Variants in OSBP2 observed in about 807,000 individuals in gnomAD.
OSBP2 encodes the protein oxysterol binding protein 2, also known as oxysterol-binding protein 2.
OSBP2 carries 66 observed loss-of-function variants against 96.0 expected under a neutral mutation model. The ratio of observed to expected loss-of-function variants is 0.69; its 90% confidence interval spans 0.56 to 0.84. OSBP2 has a LOEUF of 0.84. Ranked by LOEUF, OSBP2 falls within the 40% of genes least tolerant of loss-of-function variation. The pLI, the probability that OSBP2 is intolerant of heterozygous loss-of-function variation, is 0.00. For missense variants in OSBP2, 1,038 were observed against 1,222.7 expected, an observed-to-expected ratio of 0.85 and a Z score of 2.25; for synonymous variants, 525 against 520.9, an observed-to-expected ratio of 1.01 and a Z score of -0.11.
At chr22:30,732,878 T>A (rs1459825904) in intron 1 of OSBP2, among the ~76,000 whole-genome samples, 1 of 152,164 alleles carries the variant, frequency 6.6e-6, no homozygotes, top group Non-Finnish European at 1.5e-5. Context: ...TTCCTGTGAT[T>A]CCAGTGAATT....
In OSBP2 at chr22:30,881,235, C is replaced by G. The variant is rs963036929; in HGVS notation, c.1108-6191C>G. ...TGGGGGTAGGCAGAAGGGGCAGGGC[C>G]AGGACACTGGAACTCTGTCCCCACG... On this transcript the variant is annotated intron_variant, in intron 3 of 13. Coordinates refer to ENST00000332585, the MANE Select transcript of OSBP2 (RefSeq NM_030758.4). The surrounding 1 kb of genome is among the most constrained non-coding windows in gnomAD (Gnocchi z 4.5). Among the ~76,000 whole-genome samples, 6 of 152,164 alleles carry G rather than the reference C, an allele frequency of 3.9e-5. No individual in the cohort carries two copies. Among genetic ancestry groups the G allele is most frequent in the Non-Finnish European group, 7.4e-5 (5 of 68,020 alleles).
intron 2 of OSBP2, among the ~76,000 whole-genome samples, chr22:30,781,044 C>T (rs1005868875): frequency 1.3e-5 from 2 of 151,450 alleles, no homozygotes; most frequent in Admixed American, 6.6e-5. Flanking sequence ...GGCGTGATCT[C>T]GGCTCACTGC....
At chr22:30,764,307 G>A in intron 2 of OSBP2, 1 of 985,186 alleles carries the variant, frequency 1.0e-6, no homozygotes, top group Non-Finnish European at 1.2e-6. Context: ...GAGGGGGTTG[G>A]GTGGCTGGTG....
intron 2 of OSBP2, among the ~76,000 whole-genome samples, chr22:30,863,211 G>C (rs376790066): frequency 6.6e-6 from 1 of 152,120 alleles, no homozygotes; most frequent in Admixed American, 6.5e-5. Flanking sequence ...CTTTCTCTCT[G>C]TTATCAGCAT....
chr22:30,783,669 A>G (rs1461360049), intron 2 of OSBP2, among the ~76,000 whole-genome samples: 1 of 152,110 alleles, frequency 6.6e-6, no homozygotes, highest in East Asian at 1.9e-4. Context: ...CAATACCGAT[A>G]ATACTATTGC....
chr22:30,756,422 C>T (rs143985193), intron 2 of OSBP2, among the ~76,000 whole-genome samples: 345 of 152,296 alleles, frequency 2.3e-3, no homozygotes, highest in Admixed American at 8.4e-3. Flanking sequence ...GGCATGGTGT[C>T]TCACGCCTGT....
intron 8 of OSBP2, among the ~76,000 whole-genome samples, chr22:30,891,493 G>T (rs2039946839): frequency 6.6e-6 from 1 of 152,220 alleles, no homozygotes; most frequent in South Asian, 2.1e-4. Context: ...TGGAAACGAG[G>T]TGATTCTGTT....
chr22:30,882,757 C>T (rs1281813902), intron 3 of OSBP2, among the ~76,000 whole-genome samples: 1 of 152,164 alleles, frequency 6.6e-6, no homozygotes, highest in Non-Finnish European at 1.5e-5. Context: ...TATCAGCTGC[C>T]CGGATCTGTG....
rs568530666 is a variant in OSBP2 at position 30,694,892 on chromosome 22, C to G, written c.-18C>G. The G allele has an allele frequency of 1.6e-5, 19 of 1,224,086 alleles. No individual in the cohort carries two copies. The highest frequency in any genetic ancestry group is 2.0e-5 in the Non-Finnish European group (19 of 958,394). 75.8% of individuals were successfully genotyped at this position (1,224,086 alleles called of 1,614,324 possible). A position where few individuals can be genotyped will look rare whatever the true frequency, so the allele number is the denominator to read the frequency against. The stretch of plus-strand genomic sequence containing the variant: ...CGCCCCCACTGGCCGCTCGGCCGCG[C>G]GCGGGTCGGCCGGCTCTATGGGGAA... On this transcript the variant is annotated 5_prime_UTR_variant, in exon 1 of 14. Coordinates refer to ENST00000332585, the MANE Select transcript of OSBP2 (RefSeq NM_030758.4).
At chr22:30,819,486 T>C (rs559113568) in intron 2 of OSBP2, among the ~76,000 whole-genome samples, 1 of 152,364 alleles carries the variant, frequency 6.6e-6, no homozygotes, top group African/African-American at 2.4e-5. Flanking sequence ...AGGCTCAGTC[T>C]CTTCGGCTTC....
chr22:30,855,099 C>T (rs2039054722), intron 2 of OSBP2, among the ~76,000 whole-genome samples: 1 of 152,198 alleles, frequency 6.6e-6, no homozygotes, highest in Admixed American at 6.5e-5. Context: ...ATGGGAACTA[C>T]AATTCAGAAT....
Position 30,807,781 on chromosome 22 carries a change from A to T in OSBP2, c.854-62648A>T, listed in dbSNP as rs555280043. Among the ~76,000 whole-genome samples, 7 of 151,948 alleles carry T rather than the reference A, an allele frequency of 4.6e-5. No individual in the cohort carries two copies. The East Asian group carries it at 1.2e-3, about 25-fold the overall frequency. On this transcript the variant is annotated intron_variant, in intron 2 of 13. Transcript: ENST00000332585. ...TGCTCAGTCAGCTATTCAAGGGACC[A>T]GCTGGGTCTTTTTTTTGTGGTGGTC...
chr22:30,863,995 G>C (rs2039279598), intron 2 of OSBP2, among the ~76,000 whole-genome samples: 1 of 151,414 alleles, frequency 6.6e-6, no homozygotes, highest in African/African-American at 2.4e-5. Context: ...TTTTGAAACG[G>C]AGTCTGACTC....
At chr22:30,833,643 A>G (rs1325390789) in intron 2 of OSBP2, among the ~76,000 whole-genome samples, 1 of 152,210 alleles carries the variant, frequency 6.6e-6, no homozygotes, top group Non-Finnish European at 1.5e-5. Flanking sequence ...TACCAGAACC[A>G]GGATTTAATA....
At chr22:30,898,084 G>A (rs2040105807) in intron 12 of OSBP2, among the ~76,000 whole-genome samples, 1 of 151,942 alleles carries the variant, frequency 6.6e-6, no homozygotes, top group Admixed American at 6.6e-5. Flanking sequence ...ATTAGAGAAA[G>A]TTCAACATAG....
intron 2 of OSBP2, among the ~76,000 whole-genome samples, chr22:30,826,526 G>T (rs1372727591): frequency 6.6e-6 from 1 of 152,194 alleles, no homozygotes; most frequent in South Asian, 2.1e-4. Context: ...CAAGGCTGGA[G>T]GTGCCCCCTC....
chr22:30,716,548 C>T (rs376464974), intron 1 of OSBP2, among the ~76,000 whole-genome samples: 3 of 152,210 alleles, frequency 2.0e-5, no homozygotes, highest in East Asian at 3.9e-4. Flanking sequence ...AGCAATTCTC[C>T]TGCCTCAGCC....
In OSBP2 at chr22:30,870,733, C is replaced by T. The variant is rs376662970; in HGVS notation, c.1107+51C>T. 20 of 1,583,308 alleles carry T rather than the reference C, an allele frequency of 1.3e-5. No homozygotes were observed. The Admixed American group carries it at 1.4e-4, about 11-fold the overall frequency. On this transcript the variant is annotated intron_variant, in intron 3 of 13. Transcript: ENST00000332585. This position sits in a 1 kb window ranked among gnomAD's most constrained non-coding sequence, Gnocchi z 4.1. Reference sequence around the variant, plus strand: ...GCACGGGGCTCCCTGGCTCCAGCCCCGGGGTCCCTCGGTGGGTGACCAGGG... The same window carrying T: ...GCACGGGGCTCCCTGGCTCCAGCCCTGGGGTCCCTCGGTGGGTGACCAGGG...
intron 2 of OSBP2, among the ~76,000 whole-genome samples, chr22:30,825,217 G>A (rs938593462): frequency 6.6e-6 from 1 of 152,168 alleles, no homozygotes; most frequent in Non-Finnish European, 1.5e-5. Context: ...GCTGGGCATG[G>A]TGGTTCATGC....
Sources: gnomAD v4.1 joint callset for allele counts (sites outside exome capture counted in the v4.1 genomes callset) on GRCh38, gnomAD v4.1.1 for gene constraint, Gnocchi (gnomAD v3.1) non-coding constraint, MANE v1.5 for transcripts, NCBI Gene and HGNC (gene_info 2026-07-23, HGNC 2026-07-21) for gene names.